HCRTR2: variants seen among roughly 807,000 people sequenced by gnomAD.
HCRTR2 encodes the protein hypocretin receptor 2, also known as orexin receptor type 2.
Under a neutral mutation model 49.0 loss-of-function variants are expected in HCRTR2, and 22 were observed. The ratio of observed to expected loss-of-function variants is 0.45; its 90% CI spans 0.32 to 0.64. HCRTR2 has a LOEUF of 0.64. Ranked by LOEUF, HCRTR2 falls within the 30% of genes least tolerant of loss-of-function variation. The probability of loss-of-function intolerance (pLI) is 0.04; values close to 1 mark genes in which losing one functional copy is unlikely to be tolerated. For synonymous variants in HCRTR2, 236 were observed against 205.3 expected (o/e 1.15, Z -1.28); for missense variants, 491 against 559.4 (o/e 0.88, Z 1.23).
intron 1 of HCRTR2, among the ~76,000 whole-genome samples, chr6:55,121,993 G>A (rs1402717900): frequency 6.6e-6 from 1 of 152,116 alleles, no homozygotes; most frequent in Non-Finnish European, 1.5e-5. Flanking sequence ...GAGTTAGGGA[G>A]GATTCCCTCT....
rs1766495643 is a variant in HCRTR2, at chr6:55,248,824, GT to G, written c.402+12del. On this transcript the variant is annotated splice_region_variant and intron_variant, in intron 2 of 6. Transcript: ENST00000370862. ...AGTGATTCCTTATCTACAGGTAATT[GT>G]TTTTAATGCTTTTTTGAAGCTACTA... 6.2e-7 allele frequency: 1 copy of G among 1,610,856 alleles called. No individual in the cohort carries two copies. The highest frequency in any genetic ancestry group is 1.3e-5 in the African/African-American group (1 of 74,802).
intron 1 of HCRTR2, among the ~76,000 whole-genome samples, chr6:55,166,894 TA>T (rs1440205845): frequency 6.6e-6 from 1 of 152,064 alleles, no homozygotes; most frequent in Non-Finnish European, 1.5e-5. Flanking sequence ...GGATAGACAC[TA>T]AAACATGGAA....
At chr6:55,143,350 T>C (rs1030985798) in intron 1 of HCRTR2, among the ~76,000 whole-genome samples, 1 of 152,178 alleles carries the variant, frequency 6.6e-6, no homozygotes, top group Non-Finnish European at 1.5e-5. Flanking sequence ...CCAGTTTTTG[T>C]AATTATGTCA....
At chr6:55,208,313 G>GAAAAAT (rs1562007236) in intron 1 of HCRTR2, among the ~76,000 whole-genome samples, 4 of 118,178 alleles carry the variant, frequency 3.4e-5, no homozygotes, top group East Asian at 2.7e-4. Flanking sequence ...CAGTCTCTAC[G>GAAAAAT]AAAAATAAAA....
At chr6:55,127,369 AC>A (rs1438015628) in intron 1 of HCRTR2, among the ~76,000 whole-genome samples, 3 of 151,852 alleles carry the variant, frequency 2.0e-5, no homozygotes, top group East Asian at 3.9e-4. Context: ...GCGACACTCC[AC>A]CCTGCTTCAG....
intron 1 of HCRTR2, among the ~76,000 whole-genome samples, chr6:55,189,525 C>A (rs1562000777): frequency 6.6e-6 from 1 of 152,184 alleles, no homozygotes; most frequent in Non-Finnish European, 1.5e-5. Flanking sequence ...CTCTCCTCAG[C>A]AAACTAACAT....
intron 1 of HCRTR2, among the ~76,000 whole-genome samples, chr6:55,118,350 G>A (rs1166508147): frequency 3.3e-5 from 5 of 151,904 alleles, no homozygotes; most frequent in Non-Finnish European, 4.4e-5. Context: ...GAATAGTGTT[G>A]CAATGAACAT....
chr6:55,219,830 G>A (rs1243015505), intron 1 of HCRTR2, among the ~76,000 whole-genome samples: 1 of 151,656 alleles, frequency 6.6e-6, no homozygotes, highest in Non-Finnish European at 1.5e-5. Context: ...AAAGAGAGAA[G>A]ACTCATAAAT....
chr6:55,260,894 A>C (rs1766742257), intron 3 of HCRTR2, among the ~76,000 whole-genome samples: 1 of 152,200 alleles, frequency 6.6e-6, no homozygotes. Context: ...CTGATCACAT[A>C]ACCAAGCTTT....
chr6:55,211,320 A>G (rs1007034327), intron 1 of HCRTR2, among the ~76,000 whole-genome samples: 4 of 152,184 alleles, frequency 2.6e-5, no homozygotes, highest in Non-Finnish European at 4.4e-5. Context: ...AAGTACAATA[A>G]CTTTCAAATC....
chr6:55,199,909 G>A (rs1282729651), intron 1 of HCRTR2, among the ~76,000 whole-genome samples: 1 of 152,152 alleles, frequency 6.6e-6, no homozygotes, highest in African/African-American at 2.4e-5. Flanking sequence ...TACTATCAAT[G>A]TGCCCAGTAC....
intron 2 of HCRTR2, among the ~76,000 whole-genome samples, chr6:55,250,697 T>G (rs1303198569): frequency 1.3e-5 from 2 of 152,118 alleles, no homozygotes; most frequent in East Asian, 3.9e-4. Flanking sequence ...ATGCAGAGCA[T>G]GGGTATCTCT....
At chr6:55,271,311 C>G (rs1248544839) in intron 4 of HCRTR2, among the ~76,000 whole-genome samples, 1 of 152,004 alleles carries the variant, frequency 6.6e-6, no homozygotes, top group African/African-American at 2.4e-5. Context: ...GTCCTGACAA[C>G]AAATGGTGTT....
chr6:55,206,041 T>G (rs1464455586), intron 1 of HCRTR2, among the ~76,000 whole-genome samples: 1 of 152,132 alleles, frequency 6.6e-6, no homozygotes, highest in East Asian at 1.9e-4. Context: ...TAATGTTTAC[T>G]GACTCTTTTA....
rs1486838732 is a variant in HCRTR2, at chr6:55,239,328, C to T, written c.224-9311C>T. On this transcript the variant is annotated intron_variant, in intron 1 of 6. Coordinates refer to ENST00000370862, the MANE Select transcript of HCRTR2 (RefSeq NM_001384272.1). ...GGTGCCAATTTGTGGTTGAGCCCCT[C>T]CTTGGGAGAAATCATGCCATTCAGA... is the stretch of plus-strand genomic sequence containing the variant. Among the ~76,000 whole-genome samples, 4 of 152,156 alleles carry T rather than the reference C, an allele frequency of 2.6e-5. No individual in the cohort carries two copies. The East Asian group carries it at 7.7e-4, about 29-fold the overall frequency.
At chr6:55,119,487 G>A (rs2127236668) in intron 1 of HCRTR2, among the ~76,000 whole-genome samples, 1 of 152,228 alleles carries the variant, frequency 6.6e-6, no homozygotes, top group African/African-American at 2.4e-5. Context: ...ACTGGCATGG[G>A]ATGGTATCTC....
chr6:55,107,515 CT>C (rs1261651531), intron 1 of HCRTR2, among the ~76,000 whole-genome samples: 2 of 151,650 alleles, frequency 1.3e-5, no homozygotes, highest in South Asian at 2.1e-4. Context: ...GTATTTCTCC[CT>C]TTTTTTCTCC....
chr6:55,255,318 C>A lies in HCRTR2; in HGVS notation c.585C>A (p.Thr195=). 1 of 1,613,954 alleles carries A rather than the reference C, an allele frequency of 6.2e-7. No homozygotes were observed. Among genetic ancestry groups the A allele is most frequent in the Non-Finnish European group, 8.5e-7 (1 of 1,179,924 alleles). The change falls in exon 3 of 7, where the codon ACC becomes ACA. Residue 195 remains threonine, a synonymous_variant. Transcript: ENST00000370862. Reference sequence around the variant, plus strand: ...AGGCCATCGTCATGGAGTGCAGCACCGTGTTCCCAGGCTTAGCCAATAAAA... The same window carrying A: ...AGGCCATCGTCATGGAGTGCAGCACAGTGTTCCCAGGCTTAGCCAATAAAA... The part of the protein sequence containing the change: ...IPQAIVMECS[T]VFPGLANKTT...
chr6:55,221,584 G>A (rs570193704), intron 1 of HCRTR2, among the ~76,000 whole-genome samples: 2 of 151,666 alleles, frequency 1.3e-5, no homozygotes, highest in African/African-American at 4.8e-5. Flanking sequence ...GAGGCCAAGG[G>A]GGTCAGATCA....
Sources: allele counts gnomAD v4.1 joint callset (sites outside exome capture counted in the v4.1 genomes callset), GRCh38; gene constraint gnomAD v4.1.1; transcripts MANE v1.5; gene names NCBI Gene and HGNC (gene_info 2026-07-23, HGNC 2026-07-21).